The following GLRA3 variants were observed in gnomAD, a reference collection of about 807,000 sequenced individuals.
The protein encoded by GLRA3 is glycine receptor alpha 3, also known as glycine receptor subunit alpha-3.
A neutral mutation model predicts 60.4 loss-of-function variants in GLRA3; 44 were observed. The ratio of observed to expected loss-of-function variants is 0.73; its 90% CI spans 0.57 to 0.94. GLRA3 has a LOEUF of 0.94. GLRA3 is among the 40% of genes least tolerant of loss of function. The pLI, the probability that GLRA3 is intolerant of heterozygous loss-of-function variation, is 0.00. For missense variants in GLRA3, 508 were observed against 564.6 expected (o/e 0.90, Z 1.02); for synonymous variants, 223 against 192.9 (o/e 1.16, Z -1.29).
rs556515433 is a variant in GLRA3 at position 174,675,500 on chromosome 4, C to T, written c.927+1578G>A. ...CATAGATTCTCCTTTTTCTGACTGA[C>T]AGCATACAGACAAATGAGCTTTCAT... On this transcript the variant is annotated intron_variant, in intron 7 of 9. Transcript: ENST00000274093. Among the ~76,000 whole-genome samples the T allele has an allele frequency of 5.9e-5, 9 of 152,222 alleles. No homozygotes were observed. In the South Asian group the frequency reaches 1.7e-3, roughly 28 times the overall value.
At chr4:174,644,993 A>G (rs1450910847) in intron 9 of GLRA3, among the ~76,000 whole-genome samples, 4 of 152,148 alleles carry the variant, frequency 2.6e-5, no homozygotes, top group African/African-American at 9.7e-5. Flanking sequence ...ACCAATGAGT[A>G]ATGGTTTATT....
intron 1 of GLRA3, among the ~76,000 whole-genome samples, chr4:174,809,009 A>G (rs753255354): frequency 5.9e-5 from 9 of 152,146 alleles, no homozygotes; most frequent in Non-Finnish European, 1.2e-4. Context: ...AAAATTCGAC[A>G]CTAGTGTACA....
At chr4:174,764,060 A>G (rs932020210) in intron 3 of GLRA3, among the ~76,000 whole-genome samples, 2 of 152,178 alleles carry the variant, frequency 1.3e-5, no homozygotes, top group African/African-American at 4.8e-5. Flanking sequence ...AATTAATCAG[A>G]TTAACAATAT....
chr4:174,697,376 G>T (rs1735099673), intron 5 of GLRA3, among the ~76,000 whole-genome samples: 1 of 152,190 alleles, frequency 6.6e-6, no homozygotes, highest in Admixed American at 6.5e-5. Context: ...GCAGAAGGAA[G>T]AAAATGCTCA....
intron 2 of GLRA3, among the ~76,000 whole-genome samples, chr4:174,778,821 A>G (rs1738724960): frequency 6.6e-6 from 1 of 152,032 alleles, no homozygotes; most frequent in Non-Finnish European, 1.5e-5. Flanking sequence ...GGAGGGTCCT[A>G]CCCCACGGAG....
At chr4:174,744,423 C>T (rs569365599) in intron 3 of GLRA3, among the ~76,000 whole-genome samples, 3 of 152,346 alleles carry the variant, frequency 2.0e-5, no homozygotes, top group East Asian at 3.9e-4. Flanking sequence ...AACCCTGCTA[C>T]CCCCACTGGG....
intron 7 of GLRA3, among the ~76,000 whole-genome samples, chr4:174,671,329 C>A (rs1346671316): frequency 6.6e-6 from 1 of 152,078 alleles, no homozygotes; most frequent in Non-Finnish European, 1.5e-5. Context: ...CTATGTAGCT[C>A]TCCTGACCCC....
chr4:174,740,777 C>A (rs994648610), intron 3 of GLRA3, among the ~76,000 whole-genome samples: 3 of 152,220 alleles, frequency 2.0e-5, no homozygotes, highest in African/African-American at 7.2e-5. Context: ...CATCCCTACA[C>A]CTATTCCCTC....
At position 174,677,149 on chromosome 4, in the gene GLRA3, C is replaced by A. The variant is rs746683731; in HGVS notation, c.856G>T (p.Val286Leu). ...AGCACAGTGGTTATCCCCAGAGCTACCCTGGCCGGTGCTGCATCCATGTTG... is the reference window on the plus strand; with the variant it reads ...AGCACAGTGGTTATCCCCAGAGCTAACCTGGCCGGTGCTGCATCCATGTTG... The part of the protein sequence containing the change: ...WINMDAAPAR[V>L]ALGITTVLTM... The change falls in exon 7 of 10, where the codon GTA (valine) becomes TTA (leucine). Residue 286 changes from valine to leucine, a missense_variant. Around this residue, in one of 3 missense-constraint regions of GLRA3, gnomAD observed 329 missense variants for 349.3 expected, o/e 0.94. Coordinates refer to ENST00000274093, the MANE Select transcript of GLRA3 (RefSeq NM_006529.4). 1.2e-6 allele frequency: 2 copies of A among 1,613,512 alleles called. No individual in the cohort carries two copies. Among genetic ancestry groups the A allele is most frequent in the Non-Finnish European group, 1.7e-6 (2 of 1,179,506 alleles).
At chr4:174,796,535 T>C (rs1255006084) in intron 1 of GLRA3, among the ~76,000 whole-genome samples, 1 of 152,014 alleles carries the variant, frequency 6.6e-6, no homozygotes, top group African/African-American at 2.4e-5. Flanking sequence ...TCTATCCCTT[T>C]CTTTCTTTCT....
In GLRA3 at chr4:174,640,033, G is replaced by C. The variant is rs544950835; in HGVS notation, c.*3753C>G. 1 of 152,110 alleles carries C rather than the reference G, an allele frequency of 6.6e-6. No individual in the cohort carries two copies. Among genetic ancestry groups the C allele is most frequent in the East Asian group, 1.9e-4 (1 of 5,178 alleles). The allele number at this position is 152,110 out of a possible 1,614,324, so 9.4% of individuals were successfully genotyped here. A position where few individuals can be genotyped will look rare whatever the true frequency, so the allele number is the denominator to read the frequency against. ...TTAACACCAGATTGTCTTATATTTGGAATGGCTTGCTTTTCTTTGCTAGTT... is the reference window on the plus strand; with the variant it reads ...TTAACACCAGATTGTCTTATATTTGCAATGGCTTGCTTTTCTTTGCTAGTT... On this transcript the variant is annotated 3_prime_UTR_variant, in exon 10 of 10. Transcript: ENST00000274093.
At chr4:174,751,204 A>G (rs576614125) in intron 3 of GLRA3, among the ~76,000 whole-genome samples, 110 of 152,194 alleles carry the variant, frequency 7.2e-4, no homozygotes, top group Middle Eastern at 3.4e-3. Flanking sequence ...TGGTTAAAGC[A>G]TGATAGAAAC....
chr4:174,719,223 A>G lies in GLRA3; in HGVS notation c.492-3653T>C, dbSNP rs902543968. Among the ~76,000 whole-genome samples the G allele has an allele frequency of 7.9e-5, 12 of 151,760 alleles. No homozygotes were observed. The East Asian group carries it at 2.1e-3, about 27-fold the overall frequency. ...CGTGATCCGCCCGCCTCGGCCTCCC[A>G]AAGTGCTGGGATTACAGGCGTGAGC... On this transcript the variant is annotated intron_variant, in intron 4 of 9. Coordinates refer to ENST00000274093, the MANE Select transcript of GLRA3 (RefSeq NM_006529.4).
chr4:174,791,657 A>G (rs1309244823), intron 1 of GLRA3, among the ~76,000 whole-genome samples: 1 of 152,068 alleles, frequency 6.6e-6, no homozygotes, highest in Non-Finnish European at 1.5e-5. Flanking sequence ...AAAATAGTTG[A>G]TTTGAAGTCT....
intron 3 of GLRA3, among the ~76,000 whole-genome samples, chr4:174,736,439 C>A (rs1395036141): frequency 6.6e-6 from 1 of 152,104 alleles, no homozygotes. Flanking sequence ...TTTTTTCACC[C>A]CACAAGGAAA....
At chr4:174,723,624 A>G (rs1736211621) in intron 4 of GLRA3, among the ~76,000 whole-genome samples, 1 of 152,074 alleles carries the variant, frequency 6.6e-6, no homozygotes, top group African/African-American at 2.4e-5. Flanking sequence ...TTTGCAACCT[A>G]TGCAACCCCA....
intron 5 of GLRA3, among the ~76,000 whole-genome samples, chr4:174,707,291 A>C (rs550333703): frequency 7.9e-5 from 12 of 152,322 alleles, no homozygotes; most frequent in Admixed American, 6.5e-4. Flanking sequence ...TGGATCATCA[A>C]AGTAGAATTA....
At chr4:174,644,167 T>C (rs755939109) in intron 9 of GLRA3, 103 bp from the exon 10 acceptor site, 11 of 699,040 alleles carry the variant, frequency 1.6e-5, no homozygotes, top group Non-Finnish European at 2.5e-5. Context: ...ATATTTACAT[T>C]AATATAAGGA....
At chr4:174,679,815 A>G (rs1734274440) in intron 6 of GLRA3, among the ~76,000 whole-genome samples, 1 of 152,224 alleles carries the variant, frequency 6.6e-6, no homozygotes, top group African/African-American at 2.4e-5. Context: ...AAAATAATTG[A>G]CTTCATGGTT....
Sources: gnomAD v4.1 joint callset for allele counts (sites outside exome capture counted in the v4.1 genomes callset) on GRCh38, gnomAD v4.1.1 for gene constraint, gnomAD v4.1.1 regional missense constraint, MANE v1.5 for transcripts, NCBI Gene and HGNC (gene_info 2026-07-23, HGNC 2026-07-21) for gene names.